The following THUMPD1 variants were observed in gnomAD, a reference collection of about 807,000 sequenced individuals.
THUMPD1 encodes THUMP domain-containing protein 1.
THUMPD1 carries 31 observed loss-of-function variants against 31.6 expected under a neutral mutation model. The observed-to-expected ratio is 0.98, with a 90% CI of 0.74 to 1.32. THUMPD1 has a LOEUF of 1.32. THUMPD1 is among the 40% of genes most tolerant of loss of function. The pLI, the probability that THUMPD1 is intolerant of heterozygous loss-of-function variation, is 0.00. For missense variants in THUMPD1, 446 were observed against 427.8 expected (o/e 1.04, Z -0.38); for synonymous variants, 166 against 158.2 (o/e 1.05, Z -0.37).
intron 3 of THUMPD1, 25 bp downstream of exon 3, chr16:20,737,683 T>C (rs1348820936): frequency 2.3e-5 from 36 of 1,583,994 alleles, no homozygotes; most frequent in Middle Eastern, 1.7e-4. Flanking sequence ...TGAATGCCTA[T>C]GGAAAATCAC....
At position 20,737,962 on chromosome 16, in the gene THUMPD1, GAA is replaced by G. The variant is rs751523219; in HGVS notation, c.407-8_407-7del. 3.2e-6 allele frequency: 4 copies of G among 1,254,916 alleles called. No homozygotes were observed. The highest frequency in any genetic ancestry group is 2.5e-5 in the Admixed American group (1 of 39,730). The allele number at this position is 1,254,916 out of a possible 1,614,324, so 77.7% of individuals were successfully genotyped here. A position where few individuals can be genotyped will look rare whatever the true frequency, so the allele number is the denominator to read the frequency against. ...ATGCACCAATTTCTCAGGCTCTTAA[GAA>G]AAAAAAAAAGTTAAGAAGATAATTT... On this transcript the variant is annotated splice_region_variant and splice_polypyrimidine_tract_variant and intron_variant, in intron 2 of 3. Coordinates refer to ENST00000396083, the MANE Select transcript of THUMPD1 (RefSeq NM_017736.5).
Position 20,736,604 on chromosome 16 carries a change from T to C in THUMPD1, c.*276A>G, listed in dbSNP as rs2079871586. 1 of 370,334 alleles carries C rather than the reference T, an allele frequency of 2.7e-6. No individual in the cohort carries two copies. The highest frequency in any genetic ancestry group is 4.9e-6 in the Non-Finnish European group (1 of 204,462). 22.9% of individuals were successfully genotyped at this position (370,334 alleles called of 1,614,324 possible). A position where few individuals can be genotyped will look rare whatever the true frequency, so the allele number is the denominator to read the frequency against. ...TTCACTCCCTTAAGTCAGCTGGCAC[T>C]GCAGAAGAGGAGCCTGGGAGAGGCC... On this transcript the variant is annotated 3_prime_UTR_variant, in exon 4 of 4. Transcript: ENST00000396083.
chr16:20,739,109 A>G (rs756816377), intron 1 of THUMPD1, 38 bp from the exon 2 acceptor site: 2 of 1,602,112 alleles, frequency 1.2e-6, no homozygotes, highest in South Asian at 1.1e-5. Flanking sequence ...ATGACACAAC[A>G]GCTCACATTT....
chr16:20,741,480 G>GGGGGGGGGGGGGGC, intron 1 of THUMPD1, 29 bp downstream of exon 1: 3 of 1,340,416 alleles, frequency 2.2e-6, no homozygotes, highest in Non-Finnish European at 2.9e-6. Context: ...CCTGGCAGCC[G>GGGGGGGGGGGGGGC]GCCCGCCCGC....
rs1393593610 is a variant in THUMPD1, at chr16:20,737,168, C to A, written c.774G>T (p.Leu258Phe). The change falls in exon 4 of 4, where the codon TTG becomes TTT. Residue 258 changes from leucine to phenylalanine, a missense_variant. Coordinates refer to ENST00000396083, the MANE Select transcript of THUMPD1 (RefSeq NM_017736.5). ...CCLSVVKDYM[L>F]FRKYNLQEVV... ...CCTCCTGGAGATTGTATTTTCTAAA[C>A]AACATGTAATCTTTCACAACACTCA... is the stretch of plus-strand genomic sequence containing the variant. The A allele has an allele frequency of 1.2e-6, 2 of 1,614,070 alleles. No individual in the cohort carries two copies. The highest frequency in any genetic ancestry group is 1.7e-6 in the Non-Finnish European group (2 of 1,180,040).
rs1567329709 is a variant in THUMPD1, at chr16:20,736,866, C to T, written c.*14G>A. On this transcript the variant is annotated 3_prime_UTR_variant, in exon 4 of 4. Coordinates refer to ENST00000396083, the MANE Select transcript of THUMPD1 (RefSeq NM_017736.5). ...CCCCAGGTGAGAAACCCACCTCCAA[C>T]ACCAAATGACTTCCTATGAGAAGTC... 6.2e-7 allele frequency: 1 copy of T among 1,610,154 alleles called. No individual in the cohort carries two copies. The highest frequency in any genetic ancestry group is 8.5e-7 in the Non-Finnish European group (1 of 1,177,224).
intron 2 of THUMPD1, chr16:20,738,309 A>G: frequency 2.7e-6 from 1 of 369,206 alleles, no homozygotes; most frequent in Non-Finnish European, 5.3e-6. Flanking sequence ...ACACTTTTTT[A>G]CAAAAAAAAA....
rs2079874030 is a variant in THUMPD1 at position 20,736,874 on chromosome 16, G to T, written c.*6C>A. 6.2e-7 allele frequency: 1 copy of T among 1,611,770 alleles called. No individual in the cohort carries two copies. Among genetic ancestry groups the T allele is most frequent in the South Asian group, 1.1e-5 (1 of 90,960 alleles). On this transcript the variant is annotated 3_prime_UTR_variant, in exon 4 of 4. Transcript: ENST00000396083. ...GAGAAACCCACCTCCAACACCAAAT[G>T]ACTTCCTATGAGAAGTCATTTTCAT...
chr16:20,740,761 A>C (rs2079910939), intron 1 of THUMPD1, among the ~76,000 whole-genome samples: 1 of 152,176 alleles, frequency 6.6e-6, no homozygotes, highest in Non-Finnish European at 1.5e-5. Context: ...TGATTTCCAA[A>C]CACTAAGACT....
At position 20,741,684 on chromosome 16, in the gene THUMPD1, T is replaced by C; in HGVS notation, c.56A>G (p.Lys19Arg). ...TQPGGGKRKG[K>R]AQYVLAKRAR... Reference sequence around the variant, plus strand: ...GCGCTTGGCCAGCACATACTGAGCCTTGCCTTTGCGCTTCCCGCCGCCAGG... The same window carrying C: ...GCGCTTGGCCAGCACATACTGAGCCCTGCCTTTGCGCTTCCCGCCGCCAGG... Residue 19 changes from lysine (K) to arginine (R), a missense_variant, in exon 1 of 4, where the codon AAG becomes AGG. Transcript: ENST00000396083. The C allele has an allele frequency of 6.3e-7, 1 of 1,583,502 alleles. No homozygotes were observed. The highest frequency in any genetic ancestry group is 8.6e-7 in the Non-Finnish European group (1 of 1,164,992).
chr16:20,740,589 C>G (rs1419946052), intron 1 of THUMPD1, among the ~76,000 whole-genome samples: 1 of 152,194 alleles, frequency 6.6e-6, no homozygotes, highest in African/African-American at 2.4e-5. Flanking sequence ...TTAAAGTATT[C>G]TCTTTTTTAT....
At chr16:20,741,166 A>G (rs3785081) in intron 1 of THUMPD1, among the ~76,000 whole-genome samples, 94,053 of 152,046 alleles carry the variant, frequency 0.62, 30,237 homozygotes, top group Non-Finnish European at 0.72. Context: ...GGAGGCTGAG[A>G]CAGGAGAAGT....
Position 20,736,760 on chromosome 16 carries a change from A to T in THUMPD1, c.*120T>A. On this transcript the variant is annotated 3_prime_UTR_variant, in exon 4 of 4. Transcript: ENST00000396083. Reference sequence around the variant, plus strand: ...TGCGCAATCATTGCTCACTACTGTGAGAACAGCATAATGCAGCACACAAAT... The same window carrying T: ...TGCGCAATCATTGCTCACTACTGTGTGAACAGCATAATGCAGCACACAAAT... The T allele has an allele frequency of 1.0e-6, 1 of 986,220 alleles. No homozygotes were observed. Among genetic ancestry groups the T allele is most frequent in the Non-Finnish European group, 1.5e-6 (1 of 671,664 alleles). 61.1% of individuals were successfully genotyped at this position (986,220 alleles called of 1,614,324 possible).
chr16:20,738,272 G>A (rs373536409), intron 2 of THUMPD1: 10 of 459,528 alleles, frequency 2.2e-5, no homozygotes, highest in South Asian at 9.3e-5. Flanking sequence ...TTGTTTTCCT[G>A]TAACAACAGA....
rs567379822 is a variant in THUMPD1, at chr16:20,738,210, G to A, written c.407-254C>T. The stretch of plus-strand genomic sequence containing the variant: ...AGAAATGACTGTTTAGGTAGACACC[G>A]TTGTTAACATTTTTGTGATGTCCTG... On this transcript the variant is annotated intron_variant, in intron 2 of 3. Coordinates refer to ENST00000396083, the MANE Select transcript of THUMPD1 (RefSeq NM_017736.5). The A allele has an allele frequency of 3.2e-3, 1,675 of 517,604 alleles. 5 individuals are homozygous for A. Among genetic ancestry groups the A allele is most frequent in the Non-Finnish European group, 4.5e-3 (1,205 of 270,408 alleles). 32.1% of individuals were successfully genotyped at this position (517,604 alleles called of 1,614,324 possible).
chr16:20,736,578 GTTCACTCCC>G lies in THUMPD1; in HGVS notation c.*293_*301del. On this transcript the variant is annotated 3_prime_UTR_variant, in exon 4 of 4. Coordinates refer to ENST00000396083, the MANE Select transcript of THUMPD1 (RefSeq NM_017736.5). ...CCTCTGATTTTCTACTTCACAGGTA[GTTCACTCCC>G]TTAAGTCAGCTGGCACTGCAGAAGA... 3.4e-6 allele frequency: 1 copy of G among 296,250 alleles called. No individual in the cohort carries two copies. The highest frequency in any genetic ancestry group is 6.3e-6 in the Non-Finnish European group (1 of 159,046). 18.4% of individuals were successfully genotyped at this position (296,250 alleles called of 1,614,324 possible). A position where few individuals can be genotyped will look rare whatever the true frequency, so the allele number is the denominator to read the frequency against.
At chr16:20,741,481 G>GGGGGGGGGGGCGCCC in intron 1 of THUMPD1, 28 bp downstream of exon 1, 1 of 1,308,412 alleles carries the variant, frequency 7.6e-7, no homozygotes, top group Non-Finnish European at 9.9e-7. Flanking sequence ...CTGGCAGCCG[G>GGGGGGGGGGGCGCCC]CCCGCCCGCC....
At chr16:20,740,364 A>G (rs777623755) in intron 1 of THUMPD1, among the ~76,000 whole-genome samples, 3 of 152,192 alleles carry the variant, frequency 2.0e-5, no homozygotes, top group Non-Finnish European at 2.9e-5. Flanking sequence ...ACTGTACTCC[A>G]ACCTCCACCT....
rs1189365213 is a variant in THUMPD1 at position 20,735,579 on chromosome 16, T to C, written c.*1301A>G. 6.6e-6 allele frequency: 1 copy of C among 151,952 alleles called. No individual in the cohort carries two copies. The highest frequency in any genetic ancestry group is 1.5e-5 in the Non-Finnish European group (1 of 67,998). The allele number at this position is 151,952 out of a possible 1,614,324, so 9.4% of individuals were successfully genotyped here. A position where few individuals can be genotyped will look rare whatever the true frequency, so the allele number is the denominator to read the frequency against. ...AATGACTTATGGAGACAACCACTGA[T>C]GGGGCACCAGGAGTGTAGATACCAG... is the stretch of plus-strand genomic sequence containing the variant. On this transcript the variant is annotated 3_prime_UTR_variant, in exon 4 of 4. Transcript: ENST00000396083.
Sources: allele counts gnomAD v4.1 joint callset (sites outside exome capture counted in the v4.1 genomes callset), GRCh38; gene constraint gnomAD v4.1.1; transcripts MANE v1.5; gene names NCBI Gene and HGNC (gene_info 2026-07-23, HGNC 2026-07-21).